Variants in DNM3 observed in about 807,000 individuals in gnomAD.
DNM3 encodes the protein dynamin-3.
Under a neutral mutation model 101.6 loss-of-function variants are expected in DNM3, and 47 were observed. The ratio of observed to expected loss-of-function variants is 0.46; its 90% CI spans 0.37 to 0.59. DNM3 has a LOEUF of 0.59. Ranked by LOEUF, DNM3 falls within the 20% of genes least tolerant of loss-of-function variation. The pLI is 0.00. For missense variants in DNM3, 849 were observed against 1,085.7 expected (o/e 0.78, Z 3.06); for synonymous variants, 385 against 387.9 (o/e 0.99, Z 0.09).
chr1:171,912,709 A>C (rs2125284000), intron 1 of DNM3, among the ~76,000 whole-genome samples: 1 of 152,328 alleles, frequency 6.6e-6, no homozygotes, highest in South Asian at 2.1e-4. Flanking sequence ...ACTGGGTAGA[A>C]GTTAGTCATG....
At chr1:171,878,425 A>G (rs1364380770) in intron 1 of DNM3, among the ~76,000 whole-genome samples, 1 of 151,326 alleles carries the variant, frequency 6.6e-6, no homozygotes, top group East Asian at 1.9e-4. Flanking sequence ...CTGTTGAGAA[A>G]TTGGATTTTT....
chr1:172,104,335 T>C (rs1269938549), intron 13 of DNM3, among the ~76,000 whole-genome samples: 1 of 152,082 alleles, frequency 6.6e-6, no homozygotes, highest in East Asian at 1.9e-4. Flanking sequence ...TTTTTATACT[T>C]AGCTATTTAA....
chr1:171,914,243 C>T (rs1051855648), intron 1 of DNM3, among the ~76,000 whole-genome samples: 1 of 151,642 alleles, frequency 6.6e-6, no homozygotes, highest in Non-Finnish European at 1.5e-5. Context: ...CCGCAACCTC[C>T]GCCTCCTGGG....
At chr1:171,865,515 C>CAAAAAAAAA (rs57826674) in intron 1 of DNM3, among the ~76,000 whole-genome samples, 15 of 80,634 alleles carry the variant, frequency 1.9e-4, no homozygotes, top group South Asian at 3.9e-4. Context: ...GATCCTGTCT[C>CAAAAAAAAA]AAAAAAAAAA....
rs113290778 is a variant in DNM3 at position 171,974,087 on chromosome 1, G to A, written c.236-13569G>A. ...AGAAGAAACTTACTTTATTTCAGGA[G>A]TAATTTACATATAAACTCAAAGGTT... On this transcript the variant is annotated intron_variant, in intron 2 of 20. Coordinates refer to ENST00000627582, the MANE Select transcript of DNM3 (RefSeq NM_015569.5). 8.9e-3 allele frequency among the ~76,000 whole-genome samples: 1,358 copies of A among 152,210 alleles called. 26 individuals are homozygous for A. The highest frequency in any genetic ancestry group is 0.031 in the African/African-American group (1,287 of 41,518).
At chr1:171,889,853 A>G (rs997297699) in intron 1 of DNM3, among the ~76,000 whole-genome samples, 24 of 152,210 alleles carry the variant, frequency 1.6e-4, no homozygotes, top group African/African-American at 5.5e-4. Flanking sequence ...CAGAAGGTGA[A>G]AGTTGGGCTT....
intron 16 of DNM3, among the ~76,000 whole-genome samples, chr1:172,317,436 T>G (rs2065438145): frequency 6.6e-6 from 1 of 151,936 alleles, no homozygotes; most frequent in African/African-American, 2.4e-5. Flanking sequence ...TTCAAAAAAT[T>G]AATGAATCCA....
At chr1:172,297,938 T>G (rs967850318) in intron 15 of DNM3, among the ~76,000 whole-genome samples, 1 of 152,106 alleles carries the variant, frequency 6.6e-6, no homozygotes. Context: ...TTTCTGGAAC[T>G]CCTCTTGTTC....
At chr1:172,156,633 T>A (rs1208825132) in intron 14 of DNM3, among the ~76,000 whole-genome samples, 1 of 152,140 alleles carries the variant, frequency 6.6e-6, no homozygotes, top group Non-Finnish European at 1.5e-5. Flanking sequence ...TCCTCCTGTT[T>A]TTTTCTGGAA....
intron 1 of DNM3, among the ~76,000 whole-genome samples, chr1:171,896,785 C>G (rs1309103922): frequency 6.6e-6 from 1 of 151,998 alleles, no homozygotes; most frequent in Non-Finnish European, 1.5e-5. Flanking sequence ...TTCCTTCATC[C>G]TCTCCAAATA....
At chr1:172,033,851 C>T (rs1461501958) in intron 6 of DNM3, among the ~76,000 whole-genome samples, 2 of 152,098 alleles carry the variant, frequency 1.3e-5, no homozygotes, top group Admixed American at 6.6e-5. Flanking sequence ...ACACTTCTTC[C>T]GTAAATCCTC....
At chr1:172,143,205 G>A (rs1018609228) in intron 14 of DNM3, among the ~76,000 whole-genome samples, 6 of 152,048 alleles carry the variant, frequency 3.9e-5, no homozygotes, top group African/African-American at 1.4e-4. Context: ...TTTTTGAATT[G>A]TTGCAAAATG....
At chr1:172,199,721 T>G (rs2060084461) in intron 14 of DNM3, among the ~76,000 whole-genome samples, 1 of 152,140 alleles carries the variant, frequency 6.6e-6, no homozygotes, top group Non-Finnish European at 1.5e-5. Context: ...TTAGGATTGC[T>G]ATCCCTGCTT....
chr1:172,413,245 T>C (rs1354812099), downstream of DNM3, among the ~76,000 whole-genome samples: 1 of 152,150 alleles, frequency 6.6e-6, no homozygotes, highest in Non-Finnish European at 1.5e-5. Flanking sequence ...TTGTTTGTTT[T>C]TGAGACGGAG....
At chr1:171,927,148 T>G (rs1310923435) in intron 2 of DNM3, among the ~76,000 whole-genome samples, 1 of 152,196 alleles carries the variant, frequency 6.6e-6, no homozygotes, top group Non-Finnish European at 1.5e-5. Context: ...ATAGAAAAAC[T>G]TAAAGAGTCC....
rs1011499394 is a variant in DNM3, at chr1:172,410,165, C to A, written c.*2324C>A. The A allele has an allele frequency of 6.1e-6, 6 of 985,182 alleles. No homozygotes were observed. The African/African-American group carries it at 1.0e-4, about 17-fold the overall frequency. The allele number at this position is 985,182 out of a possible 1,614,324, so 61.0% of individuals were successfully genotyped here. A position where few individuals can be genotyped will look rare whatever the true frequency, so the allele number is the denominator to read the frequency against. ...GACATTGGAGAATATTTTTAATTTGCTGCAGTACTATGTCATATTATTAGT... is the reference window on the plus strand; with the variant it reads ...GACATTGGAGAATATTTTTAATTTGATGCAGTACTATGTCATATTATTAGT... On this transcript the variant is annotated 3_prime_UTR_variant, in exon 21 of 21. Transcript: ENST00000627582.
downstream of DNM3, among the ~76,000 whole-genome samples, chr1:172,413,365 T>C (rs550502309): frequency 4.4e-4 from 67 of 152,302 alleles, no homozygotes; most frequent in Admixed American, 8.5e-4. Flanking sequence ...GAACTGGGAC[T>C]ACAGGCGCCC....
At chr1:172,057,916 C>A (rs1280063073) in intron 10 of DNM3, among the ~76,000 whole-genome samples, 1 of 135,492 alleles carries the variant, frequency 7.4e-6, no homozygotes, top group Non-Finnish European at 1.6e-5. Context: ...GATAAAGAGT[C>A]AAGACCCATC....
intron 15 of DNM3, among the ~76,000 whole-genome samples, chr1:172,281,100 A>G (rs2063474286): frequency 6.6e-6 from 1 of 151,756 alleles, no homozygotes; most frequent in African/African-American, 2.4e-5. Context: ...TGTATGTGTG[A>G]TAATGGAGAG....
Sources: gnomAD v4.1 joint callset for allele counts (sites outside exome capture counted in the v4.1 genomes callset) on GRCh38, gnomAD v4.1.1 for gene constraint, MANE v1.5 for transcripts, NCBI Gene and HGNC (gene_info 2026-07-23, HGNC 2026-07-21) for gene names.